GRM5: variants seen among roughly 807,000 people sequenced by gnomAD.
The protein encoded by GRM5 is metabotropic glutamate receptor 5.
A neutral mutation model predicts 83.1 loss-of-function variants in GRM5; 19 were observed. The ratio of observed to expected loss-of-function variants is 0.23; its 90% CI spans 0.16 to 0.34. The LOEUF is 0.34. Ranked by LOEUF, GRM5 falls within the 10% of genes least tolerant of loss-of-function variation. The pLI is 1.00. For missense variants in GRM5, 1,160 were observed against 1,588.3 expected, an observed-to-expected ratio of 0.73 and a Z score of 4.58; for synonymous variants, 675 against 633.6, an observed-to-expected ratio of 1.07 and a Z score of -0.98.
Position 88,757,476 on chromosome 11 carries a change from C to T in GRM5, c.911+92430G>A, listed in dbSNP as rs140391787. Among the ~76,000 whole-genome samples, 53 of 152,236 alleles carry T rather than the reference C, an allele frequency of 3.5e-4. No homozygotes were observed. The East Asian group carries it at 0.01, about 29-fold the overall frequency. ...ATGCTGTGCTCCTGCAACAACACTG[C>T]CATTAGAGTGAAACTAGTATGGATG... On this transcript the variant is annotated intron_variant, in intron 3 of 9. Transcript: ENST00000305447.
At chr11:88,866,644 G>A (rs1356213276) in intron 2 of GRM5, among the ~76,000 whole-genome samples, 3 of 151,946 alleles carry the variant, frequency 2.0e-5, no homozygotes. Context: ...CAATATGCAA[G>A]GCCACTTTTT....
At chr11:89,019,440 A>AT (rs1228948854) in intron 2 of GRM5, among the ~76,000 whole-genome samples, 1 of 151,984 alleles carries the variant, frequency 6.6e-6, no homozygotes, top group Non-Finnish European at 1.5e-5. Context: ...CACACCTGTA[A>AT]TCCCAGTACT....
At chr11:88,936,928 T>G (rs568943238) in intron 2 of GRM5, among the ~76,000 whole-genome samples, 49 of 151,884 alleles carry the variant, frequency 3.2e-4, no homozygotes, top group African/African-American at 1.2e-3. Flanking sequence ...TATTTTAGGC[T>G]TAGCTGTTTT....
chr11:88,527,146 A>G (rs1941898418), intron 8 of GRM5, among the ~76,000 whole-genome samples: 1 of 152,180 alleles, frequency 6.6e-6, no homozygotes, highest in African/African-American at 2.4e-5. Flanking sequence ...TTCTTTGTGA[A>G]TTGGATTGCT....
At chr11:88,783,334 C>T (rs1182414670) in intron 3 of GRM5, among the ~76,000 whole-genome samples, 2 of 152,076 alleles carry the variant, frequency 1.3e-5, no homozygotes, top group Non-Finnish European at 2.9e-5. Flanking sequence ...ATCTTCCTCA[C>T]TGTCCATATA....
chr11:88,666,938 C>T (rs1940059272), intron 3 of GRM5, among the ~76,000 whole-genome samples: 1 of 151,962 alleles, frequency 6.6e-6, no homozygotes, highest in Non-Finnish European at 1.5e-5. Context: ...TGATTGAAAA[C>T]CAGGAAAAAC....
intron 2 of GRM5, among the ~76,000 whole-genome samples, chr11:88,959,052 T>C (rs1206622831): frequency 6.6e-6 from 1 of 152,094 alleles, no homozygotes; most frequent in Non-Finnish European, 1.5e-5. Flanking sequence ...GATCATATAT[T>C]CATAAGAGAA....
intron 3 of GRM5, among the ~76,000 whole-genome samples, chr11:88,685,362 G>C (rs905510182): frequency 2.0e-5 from 3 of 152,180 alleles, no homozygotes; most frequent in Non-Finnish European, 4.4e-5. Flanking sequence ...GCATTCAAAA[G>C]GTGACTTGGG....
intron 2 of GRM5, among the ~76,000 whole-genome samples, chr11:88,990,347 A>C (rs534507143): frequency 3.3e-5 from 5 of 151,762 alleles, no homozygotes; most frequent in African/African-American, 7.3e-5. Flanking sequence ...CAATAACAGG[A>C]TCTGAAATTG....
At chr11:88,704,285 T>C (rs1941103057) in intron 3 of GRM5, among the ~76,000 whole-genome samples, 1 of 152,062 alleles carries the variant, frequency 6.6e-6, no homozygotes, top group Non-Finnish European at 1.5e-5. Context: ...GCAGTACCTA[T>C]TTTAAGAAAA....
At chr11:88,617,869 T>C (rs1326799863) in intron 4 of GRM5, among the ~76,000 whole-genome samples, 1 of 151,476 alleles carries the variant, frequency 6.6e-6, no homozygotes, top group Non-Finnish European at 1.5e-5. Context: ...GACCAGGAGG[T>C]GGGTGGGAGA....
In GRM5 at chr11:88,626,195, C is replaced by A. The variant is rs75052548; in HGVS notation, c.1148-21231G>T. Among the ~76,000 whole-genome samples the A allele has an allele frequency of 4.1e-3, 619 of 152,278 alleles. 1 individual carries two copies. Among genetic ancestry groups the A allele is most frequent in the African/African-American group, 0.014 (574 of 41,548 alleles). ...AGAAAATGGCAGAGAAGCACTACTGCTACACACAGCTTTGTATAATGCCAT... is the reference window on the plus strand; with the variant it reads ...AGAAAATGGCAGAGAAGCACTACTGATACACACAGCTTTGTATAATGCCAT... On this transcript the variant is annotated intron_variant, in intron 4 of 9. Coordinates refer to ENST00000305447, the MANE Select transcript of GRM5 (RefSeq NM_001143831.3).
At chr11:88,899,141 A>G (rs529455333) in intron 2 of GRM5, among the ~76,000 whole-genome samples, 1 of 152,050 alleles carries the variant, frequency 6.6e-6, no homozygotes, top group African/African-American at 2.4e-5. Context: ...TAAAATCCTA[A>G]TGACATCTAC....
chr11:89,054,195 G>A (rs1309360342), intron 1 of GRM5, among the ~76,000 whole-genome samples: 1 of 152,114 alleles, frequency 6.6e-6, no homozygotes, highest in African/African-American at 2.4e-5. Flanking sequence ...TTGGAGATAC[G>A]GTAAGTACAA....
intron 3 of GRM5, among the ~76,000 whole-genome samples, chr11:88,786,449 A>T (rs1437255280): frequency 1.3e-5 from 2 of 152,160 alleles, no homozygotes; most frequent in African/African-American, 4.8e-5. Context: ...CAAAGTGCTT[A>T]TAGTTCTTAC....
intron 2 of GRM5, among the ~76,000 whole-genome samples, chr11:88,990,697 G>T (rs1194637477): frequency 2.0e-5 from 3 of 150,986 alleles, no homozygotes; most frequent in Non-Finnish European, 4.4e-5. Flanking sequence ...GGGATGCAAG[G>T]CTGGTTCAAT....
At chr11:88,537,445 G>A (rs568242649) in intron 8 of GRM5, among the ~76,000 whole-genome samples, 4 of 152,258 alleles carry the variant, frequency 2.6e-5, no homozygotes, top group Admixed American at 6.5e-5. Context: ...AGACAGGGAC[G>A]AGATGGTAGA....
chr11:88,546,306 T>C (rs770190913), intron 8 of GRM5, among the ~76,000 whole-genome samples: 8 of 152,082 alleles, frequency 5.3e-5, no homozygotes, highest in Non-Finnish European at 1.2e-4. Context: ...CTGACTATAG[T>C]TGAAGTTCTT....
chr11:88,647,711 C>G (rs916212855), intron 4 of GRM5, among the ~76,000 whole-genome samples: 4 of 152,126 alleles, frequency 2.6e-5, no homozygotes, highest in Admixed American at 2.6e-4. Context: ...TCAAAGTGAA[C>G]AGGCAACCTA....
Sources: gnomAD v4.1 joint callset for allele counts (sites outside exome capture counted in the v4.1 genomes callset) on GRCh38, gnomAD v4.1.1 for gene constraint, MANE v1.5 for transcripts, NCBI Gene and HGNC (gene_info 2026-07-23, HGNC 2026-07-21) for gene names.